Variants in DCAF8L2 observed in about 807,000 individuals in gnomAD.
The protein encoded by DCAF8L2 is DDB1 and CUL4 associated factor 8 like 2.
For missense variants in DCAF8L2, 430 were observed against 490.7 expected, an observed-to-expected ratio of 0.88 and a Z score of 1.17; for synonymous variants, 200 against 190.9, an observed-to-expected ratio of 1.05 and a Z score of -0.39.
Position 27,748,833 on chromosome X carries a change from T to C in DCAF8L2, c.*42T>C. The C allele has an allele frequency of 8.8e-7, 1 of 1,134,009 alleles. No individual in the cohort carries two copies. The highest frequency in any genetic ancestry group is 1.2e-6 in the Non-Finnish European group (1 of 857,097). The allele number at this position is 1,134,009 out of a possible 1,213,427, so 93.5% of individuals were successfully genotyped here. On this transcript the variant is annotated 3_prime_UTR_variant, in exon 5 of 5. Transcript: ENST00000451261. The stretch of plus-strand genomic sequence containing the variant: ...CCAGCTACATGCCACCTAAGTACAC[T>C]GGACTTTAAAATTCAGTTTGACTAA...
At position 27,717,503 on chromosome X, in the gene DCAF8L2, A is replaced by G. The variant is rs145564771; in HGVS notation, c.-59+1332A>G. ...GATCAGTGATGATGAGCTTTTTTTC[A>G]TATGTTTGTTGGCTGCATGAATGTC... On this transcript the variant is annotated intron_variant, in intron 4 of 4. Transcript: ENST00000451261. Among the ~76,000 whole-genome samples the G allele has an allele frequency of 5.0e-4, 56 of 111,963 alleles. 1 individual carries two copies. In the East Asian group the frequency reaches 0.014, roughly 29 times the overall value.
intron 4 of DCAF8L2, among the ~76,000 whole-genome samples, chrX:27,732,769 A>G (rs951341538): frequency 9.0e-6 from 1 of 111,259 alleles, no homozygotes; most frequent in Non-Finnish European, 1.9e-5. Context: ...TGATAGTTTT[A>G]GTTTTAATCT....
the DCAF8L2 span, among the ~76,000 whole-genome samples, chrX:27,500,987 G>A: frequency 6.3e-5 from 7 of 111,350 alleles, no homozygotes; most frequent in Non-Finnish European, 1.1e-4. Context: ...CATGGTTTGC[G>A]CAATGTTCAT....
At chrX:27,636,266 A>G (rs759499934) in intron 2 of DCAF8L2, among the ~76,000 whole-genome samples, 4 of 111,893 alleles carry the variant, frequency 3.6e-5, no homozygotes, top group African/African-American at 6.5e-5. Flanking sequence ...TCCAATCTTC[A>G]TGTTTAGAAT....
At chrX:27,568,428 A>C in the DCAF8L2 span, among the ~76,000 whole-genome samples, 3 of 111,876 alleles carry the variant, frequency 2.7e-5, no homozygotes, top group Non-Finnish European at 3.8e-5. Flanking sequence ...TCTTATCTTT[A>C]AATAAATAAT....
At chrX:27,621,101 G>A (rs1313629471) in intron 1 of DCAF8L2, among the ~76,000 whole-genome samples, 1 of 112,025 alleles carries the variant, frequency 8.9e-6, no homozygotes, top group Non-Finnish European at 1.9e-5. Context: ...ACTTATATGA[G>A]ATATTTAAAG....
the DCAF8L2 span, among the ~76,000 whole-genome samples, chrX:27,543,820 T>C: frequency 9.0e-6 from 1 of 111,487 alleles, no homozygotes; most frequent in Non-Finnish European, 1.9e-5. Context: ...GGGCAAGAGA[T>C]GGTCAGAGAA....
chrX:27,589,117 G>A (rs1258767322), upstream of DCAF8L2, among the ~76,000 whole-genome samples: 1 of 100,684 alleles, frequency 9.9e-6, no homozygotes, highest in Non-Finnish European at 2.0e-5. Context: ...TAGTGGTAGA[G>A]ATCCATGATA....
At position 27,592,729 on chromosome X, in the gene DCAF8L2, C is replaced by T. The variant is rs200699231; in HGVS notation, c.-342+2289C>T. Reference sequence around the variant, plus strand: ...TGGGATTACAGGTGTGAGCCACCACCGCATCTGGCCAGTGGGCATTGTTTT... The same window carrying T: ...TGGGATTACAGGTGTGAGCCACCACTGCATCTGGCCAGTGGGCATTGTTTT... On this transcript the variant is annotated intron_variant, in intron 1 of 4. Coordinates refer to ENST00000451261, the MANE Select transcript of DCAF8L2 (RefSeq NM_001353450.2). Among the ~76,000 whole-genome samples the T allele has an allele frequency of 2.4e-4, 27 of 110,291 alleles. No individual in the cohort carries two copies. The East Asian group carries it at 6.3e-3, about 26-fold the overall frequency.
chrX:27,480,195 G>C, the DCAF8L2 span, among the ~76,000 whole-genome samples: 4 of 112,203 alleles, frequency 3.6e-5, no homozygotes, highest in Admixed American at 9.5e-5. Context: ...AGACATTAGA[G>C]GTACAACACT....
the DCAF8L2 span, among the ~76,000 whole-genome samples, chrX:27,533,239 A>G: frequency 1.6e-4 from 15 of 93,681 alleles, 1 homozygote; most frequent in Non-Finnish European, 2.2e-4. Context: ...AGAAAGAGAA[A>G]GAAAGAAAGA....
the DCAF8L2 span, among the ~76,000 whole-genome samples, chrX:27,490,520 G>C: frequency 1.8e-5 from 2 of 109,880 alleles, no homozygotes; most frequent in African/African-American, 6.7e-5. Context: ...GGAGTGCAGT[G>C]GTGTGATCTC....
chrX:27,704,561 T>C (rs1931277690), intron 3 of DCAF8L2, among the ~76,000 whole-genome samples: 1 of 110,246 alleles, frequency 9.1e-6, no homozygotes, highest in Admixed American at 9.7e-5. Context: ...CACTCCTTTA[T>C]GTAAGATAAA....
At chrX:27,484,580 T>G in the DCAF8L2 span, among the ~76,000 whole-genome samples, 1 of 111,680 alleles carries the variant, frequency 9.0e-6, no homozygotes, top group Non-Finnish European at 1.9e-5. Context: ...ATCAGTCTTA[T>G]TTGGAAACAA....
At chrX:27,482,709 G>A in the DCAF8L2 span, among the ~76,000 whole-genome samples, 5 of 111,688 alleles carry the variant, frequency 4.5e-5, no homozygotes, top group African/African-American at 1.6e-4. Flanking sequence ...ACGTTAGAAA[G>A]AACTTGAAAA....
the DCAF8L2 span, among the ~76,000 whole-genome samples, chrX:27,537,912 C>G: frequency 8.9e-6 from 1 of 111,979 alleles, no homozygotes; most frequent in Non-Finnish European, 1.9e-5. Flanking sequence ...ATCCATTATC[C>G]TCAAAAGAAT....
At chrX:27,544,079 T>C in the DCAF8L2 span, among the ~76,000 whole-genome samples, 1 of 111,556 alleles carries the variant, frequency 9.0e-6, no homozygotes, top group African/African-American at 3.3e-5. Context: ...TCTGGCACTT[T>C]TAAAAGCCTG....
At chrX:27,628,768 T>A (rs966007000) in intron 1 of DCAF8L2, among the ~76,000 whole-genome samples, 6 of 110,717 alleles carry the variant, frequency 5.4e-5, no homozygotes, top group Admixed American at 4.8e-4. Context: ...CACGCCCGGC[T>A]AATTTTTTGT....
the DCAF8L2 span, among the ~76,000 whole-genome samples, chrX:27,566,843 T>C: frequency 2.7e-5 from 3 of 111,153 alleles, no homozygotes; most frequent in Admixed American, 9.6e-5. Context: ...TTCTGCTTTT[T>C]TAAGGTAGGC....
Sources: allele counts gnomAD v4.1 joint callset (sites outside exome capture counted in the v4.1 genomes callset), GRCh38; gene constraint gnomAD v4.1.1; transcripts MANE v1.5; gene names NCBI Gene and HGNC (gene_info 2026-07-23, HGNC 2026-07-21).